HBEGF: variants seen among roughly 807,000 people sequenced by gnomAD.
HBEGF encodes the protein proheparin-binding EGF-like growth factor.
In HBEGF, 8 loss-of-function variants were observed where a neutral mutation model predicts 19.5. The ratio of observed to expected loss-of-function variants is 0.41; its 90% CI spans 0.24 to 0.74. HBEGF has a LOEUF of 0.74. HBEGF is among the 30% of genes least tolerant of loss of function. HBEGF has a pLI of 0.32. For synonymous variants in HBEGF, 97 were observed against 108.9 expected (o/e 0.89, Z 0.68); for missense variants, 207 against 256.9 (o/e 0.81, Z 1.33).
chr5:140,336,696 A>G (rs1466214116), intron 3 of HBEGF, among the ~76,000 whole-genome samples: 1 of 152,226 alleles, frequency 6.6e-6, no homozygotes, highest in Non-Finnish European at 1.5e-5. Flanking sequence ...TCACAGGACA[A>G]ACCAAACAAA....
At position 140,345,947 on chromosome 5, in the gene HBEGF, G is replaced by C. The variant is rs1766392382; in HGVS notation, c.184C>G (p.Arg62Gly). 4.3e-6 allele frequency: 7 copies of C among 1,614,174 alleles called. No individual in the cohort carries two copies. Among genetic ancestry groups the C allele is most frequent in the Non-Finnish European group, 5.9e-6 (7 of 1,180,026 alleles). ...PLGGGRDRKV[R>G]DLQEADLDLL... ...TCCAGATCTGCCTCTTGCAAGTCAC[G>C]GACTTTCCGGTCCCGGCCGCCTCCT... The change falls in exon 2 of 6, where the codon CGT becomes GGT. Residue 62 changes from arginine (R) to glycine (G), a missense_variant. Transcript: ENST00000230990.
At chr5:140,337,814 G>A (rs776814379) in intron 3 of HBEGF, among the ~76,000 whole-genome samples, 3 of 152,086 alleles carry the variant, frequency 2.0e-5, no homozygotes, top group Non-Finnish European at 2.9e-5. Flanking sequence ...GCCTAAAAGC[G>A]ACCCCTATCC....
In HBEGF at chr5:140,346,490, G is replaced by T; in HGVS notation, c.-162C>A. 1 of 777,598 alleles carries T rather than the reference G, an allele frequency of 1.3e-6. No homozygotes were observed. The highest frequency in any genetic ancestry group is 1.6e-5 in the South Asian group (1 of 62,408). The allele number at this position is 777,598 out of a possible 1,614,324, so 48.2% of individuals were successfully genotyped here. ...CCTGGCCGGGACCCAGGCGCAGCTC[G>T]CTCTTCTTGAGTGTCTTGTCTTGCT... On this transcript the variant is annotated 5_prime_UTR_variant, in exon 1 of 6. Coordinates refer to ENST00000230990, the MANE Select transcript of HBEGF (RefSeq NM_001945.3). This position sits in a 1 kb window ranked among gnomAD's most constrained non-coding sequence, Gnocchi z 6.1.
At chr5:140,339,836 T>C (rs917629522) in intron 3 of HBEGF, among the ~76,000 whole-genome samples, 2 of 152,206 alleles carry the variant, frequency 1.3e-5, no homozygotes, top group Non-Finnish European at 2.9e-5. Context: ...TAGTGGTTCC[T>C]GGGTCTGGAG....
intron 2 of HBEGF, among the ~76,000 whole-genome samples, chr5:140,345,579 A>C (rs917185736): frequency 6.6e-6 from 1 of 152,138 alleles, no homozygotes; most frequent in Non-Finnish European, 1.5e-5. Flanking sequence ...CCATTTTTAC[A>C]TAGTAGCTCT....
At chr5:140,337,154 A>T (rs1252827600) in intron 3 of HBEGF, among the ~76,000 whole-genome samples, 1 of 152,194 alleles carries the variant, frequency 6.6e-6, no homozygotes, top group African/African-American at 2.4e-5. Context: ...TCTAACACAA[A>T]GCATTTCCTT....
chr5:140,334,395 TC>T, intron 5 of HBEGF, 115 bp from the exon 6 acceptor site: 1 of 456,738 alleles, frequency 2.2e-6, no homozygotes, highest in Non-Finnish European at 3.9e-6. Flanking sequence ...TCACTCTGTC[TC>T]CCAGGGGAGG....
chr5:140,344,065 G>T (rs1766356259), intron 2 of HBEGF, among the ~76,000 whole-genome samples: 1 of 152,114 alleles, frequency 6.6e-6, no homozygotes, highest in Non-Finnish European at 1.5e-5. Context: ...TTGAACCTGG[G>T]AGGCAGAGAT....
At chr5:140,343,532 C>G (rs1766347207) in intron 2 of HBEGF, among the ~76,000 whole-genome samples, 1 of 152,196 alleles carries the variant, frequency 6.6e-6, no homozygotes, top group African/African-American at 2.4e-5. Context: ...CTGTTTATAG[C>G]TCTCTGGATT....
chr5:140,334,873 G>T, intron 4 of HBEGF, 125 bp from the exon 5 acceptor site: 1 of 783,334 alleles, frequency 1.3e-6, no homozygotes, highest in South Asian at 1.5e-5. Flanking sequence ...CCAGGCAGTA[G>T]GGCAGCCCAA....
At position 140,345,936 on chromosome 5, in the gene HBEGF, T is replaced by C; in HGVS notation, c.195A>G (p.Gln65=). The C allele has an allele frequency of 6.2e-7, 1 of 1,614,224 alleles. No homozygotes were observed. Among genetic ancestry groups the C allele is most frequent in the Non-Finnish European group, 8.5e-7 (1 of 1,180,022 alleles). The part of the protein sequence containing the change: ...GGRDRKVRDL[Q]EADLDLLRVT... ...CTCTCAAAAGGTCCAGATCTGCCTCTTGCAAGTCACGGACTTTCCGGTCCC... is the reference window on the plus strand; with the variant it reads ...CTCTCAAAAGGTCCAGATCTGCCTCCTGCAAGTCACGGACTTTCCGGTCCC... The change falls in exon 2 of 6, where the codon CAA becomes CAG. Residue 65 remains glutamine (Q), a synonymous_variant. Transcript: ENST00000230990.
chr5:140,345,666 G>A (rs534106476), intron 2 of HBEGF, among the ~76,000 whole-genome samples: 1 of 152,026 alleles, frequency 6.6e-6, no homozygotes. Flanking sequence ...CAGACAACAC[G>A]TCTGATTCAA....
intron 2 of HBEGF, 130 bp downstream of exon 2, chr5:140,345,781 G>A: frequency 1.8e-6 from 2 of 1,091,184 alleles, no homozygotes; most frequent in South Asian, 2.7e-5. Context: ...CCATCAGGCC[G>A]ATCAGCTTTT....
intron 4 of HBEGF, 116 bp downstream of exon 4, chr5:140,335,756 A>G: frequency 6.3e-6 from 7 of 1,113,698 alleles, no homozygotes; most frequent in Admixed American, 2.2e-5. Context: ...CCCCGGAGCT[A>G]GCCCATGATT....
At chr5:140,335,438 T>C (rs557972074) in intron 4 of HBEGF, among the ~76,000 whole-genome samples, 20 of 147,510 alleles carry the variant, frequency 1.4e-4, no homozygotes, top group Non-Finnish European at 2.4e-4. Context: ...GCTTGGTGGG[T>C]CTCCCAAGCT....
chr5:140,340,582 C>CAAAAAAAAAAAAAAAAAAAAAAAAA (rs61489261), intron 3 of HBEGF, among the ~76,000 whole-genome samples: 1 of 59,848 alleles, frequency 1.7e-5, no homozygotes, highest in Non-Finnish European at 3.1e-5. Context: ...GACTCTGTCT[C>CAAAAAAAAAAAAAAAAAAAAAAAAA]AAAAAAAAAA....
In HBEGF at chr5:140,346,501, G is replaced by C; in HGVS notation, c.-173C>G. ...CCCAGGCGCAGCTCGCTCTTCTTGA[G>C]TGTCTTGTCTTGCTCACTCAGCCCG... is the stretch of plus-strand genomic sequence containing the variant. On this transcript the variant is annotated 5_prime_UTR_variant, in exon 1 of 6. Coordinates refer to ENST00000230990, the MANE Select transcript of HBEGF (RefSeq NM_001945.3). The surrounding 1 kb of genome is among the most constrained non-coding windows in gnomAD (Gnocchi z 6.1). The C allele has an allele frequency of 1.4e-6, 1 of 735,538 alleles. No individual in the cohort carries two copies. The highest frequency in any genetic ancestry group is 2.2e-6 in the Non-Finnish European group (1 of 445,678). The allele number at this position is 735,538 out of a possible 1,614,324, so 45.6% of individuals were successfully genotyped here.
chr5:140,337,911 T>C (rs527559898), intron 3 of HBEGF, among the ~76,000 whole-genome samples: 1 of 152,324 alleles, frequency 6.6e-6, no homozygotes, highest in East Asian at 1.9e-4. Context: ...ACTAGCCTTA[T>C]CTACTAGCTC....
At chr5:140,345,864 C>A (rs368055673) in intron 2 of HBEGF, 47 bp downstream of exon 2, 2 of 1,607,854 alleles carry the variant, frequency 1.2e-6, no homozygotes, top group African/African-American at 2.7e-5. Context: ...TCTGCTTATT[C>A]TTCAACAGCC....
Sources: allele counts gnomAD v4.1 joint callset (sites outside exome capture counted in the v4.1 genomes callset), GRCh38; gene constraint gnomAD v4.1.1; non-coding constraint Gnocchi (gnomAD v3.1); transcripts MANE v1.5; gene names NCBI Gene and HGNC (gene_info 2026-07-23, HGNC 2026-07-21).